Variants in KSR2 observed in about 807,000 individuals in gnomAD.
The protein encoded by KSR2 is kinase suppressor of ras 2.
A neutral mutation model predicts 107.8 loss-of-function variants in KSR2; 25 were observed. The observed-to-expected ratio is 0.23, with a 90% CI of 0.17 to 0.32. The LOEUF (loss-of-function observed/expected upper bound fraction) is 0.32, where lower values mean the gene tolerates loss of function less well. Among genes scored for constraint, KSR2 ranks in the 10% least tolerant of loss-of-function variants. KSR2 has a pLI of 1.00. For missense variants in KSR2, 887 were observed against 1,268.9 expected, an observed-to-expected ratio of 0.70 and a Z score of 4.57; for synonymous variants, 480 against 507.0, an observed-to-expected ratio of 0.95 and a Z score of 0.71.
At position 117,955,414 on chromosome 12, in the gene KSR2, C is replaced by T. The variant is rs565334131; in HGVS notation, c.180+12662G>A. ...GTGCTGGGATTACAGGTGTGAGCCA[C>T]AATCCTGATTTTATAAACAAGGAAA... On this transcript the variant is annotated intron_variant, in intron 1 of 19. Coordinates refer to ENST00000339824, the MANE Select transcript of KSR2 (RefSeq NM_173598.6). 2.0e-5 allele frequency among the ~76,000 whole-genome samples: 3 copies of T among 152,266 alleles called. No individual in the cohort carries two copies. In the South Asian group the frequency reaches 6.2e-4, roughly 32 times the overall value.
At chr12:117,557,683 T>C (rs1234317975) in intron 8 of KSR2, among the ~76,000 whole-genome samples, 2 of 152,208 alleles carry the variant, frequency 1.3e-5, no homozygotes, top group African/African-American at 4.8e-5. Context: ...ATTAAATTTG[T>C]GTTTTTATTT....
intron 1 of KSR2, among the ~76,000 whole-genome samples, chr12:117,914,513 ATACTC>A (rs1172991304): frequency 1.3e-5 from 2 of 152,134 alleles, no homozygotes; most frequent in Non-Finnish European, 2.9e-5. Flanking sequence ...TGTTTGGAAA[ATACTC>A]CACTGGTTTT....
At chr12:117,896,695 G>A (rs963890251) in intron 1 of KSR2, among the ~76,000 whole-genome samples, 12 of 152,060 alleles carry the variant, frequency 7.9e-5, no homozygotes, top group Non-Finnish European at 2.9e-5. Flanking sequence ...CCTGACCTCA[G>A]GTGATCCCTC....
chr12:117,615,999 C>A (rs1259765827), intron 5 of KSR2, among the ~76,000 whole-genome samples: 1 of 151,852 alleles, frequency 6.6e-6, no homozygotes. Flanking sequence ...CAAAAAAACA[C>A]AAAACTTAGC....
chr12:117,685,454 A>G (rs192920171), intron 4 of KSR2, among the ~76,000 whole-genome samples: 28 of 152,238 alleles, frequency 1.8e-4, no homozygotes, highest in Admixed American at 1.6e-3. Context: ...AGAAAAGACA[A>G]TTTCCAAGAT....
intron 14 of KSR2, among the ~76,000 whole-genome samples, chr12:117,490,175 C>A (rs1457610647): frequency 6.6e-6 from 1 of 152,182 alleles, no homozygotes; most frequent in Non-Finnish European, 1.5e-5. Flanking sequence ...ATCTTCTCCT[C>A]CACTGTGTGG....
At chr12:117,902,975 T>G (rs1305860104) in intron 1 of KSR2, among the ~76,000 whole-genome samples, 1 of 152,184 alleles carries the variant, frequency 6.6e-6, no homozygotes, top group African/African-American at 2.4e-5. Flanking sequence ...AGAGGATAAC[T>G]GTTGTCTTTA....
chr12:117,687,218 C>T (rs1419196127), intron 4 of KSR2, among the ~76,000 whole-genome samples: 1 of 152,136 alleles, frequency 6.6e-6, no homozygotes, highest in African/African-American at 2.4e-5. Context: ...CTTTGTCTGC[C>T]CCTTGCTTCT....
chr12:117,720,310 C>T (rs535799659), intron 4 of KSR2, among the ~76,000 whole-genome samples: 1 of 152,204 alleles, frequency 6.6e-6, no homozygotes, highest in African/African-American at 2.4e-5. Context: ...GGTTTGCTAC[C>T]CTCTTTAAAA....
chr12:117,567,393 GA>G (rs1326864231), intron 7 of KSR2, among the ~76,000 whole-genome samples: 1 of 152,122 alleles, frequency 6.6e-6, no homozygotes, highest in East Asian at 1.9e-4. Flanking sequence ...TGGGCATGAA[GA>G]GGGGAGAGAT....
chr12:117,968,674 A>G lies in KSR2; in HGVS notation c.-419T>C. 5.4e-6 allele frequency: 1 copy of G among 185,446 alleles called. No individual in the cohort carries two copies. The allele number at this position is 185,446 out of a possible 1,614,324, so 11.5% of individuals were successfully genotyped here. A position where few individuals can be genotyped will look rare whatever the true frequency, so the allele number is the denominator to read the frequency against. On this transcript the variant is annotated 5_prime_UTR_variant, in exon 1 of 20. Transcript: ENST00000339824. ...AGAGGAGGAGGAGGAGAAGGAAAAT[A>G]GCGCTCACTCTTTACACACCGGCTC...
At chr12:117,619,383 C>T (rs1882051579) in intron 5 of KSR2, among the ~76,000 whole-genome samples, 1 of 151,838 alleles carries the variant, frequency 6.6e-6, no homozygotes, top group Non-Finnish European at 1.5e-5. Context: ...CACAACAGGC[C>T]CCAGTGTGTG....
Position 117,926,970 on chromosome 12 carries a change from C to G in KSR2, c.180+41106G>C. On this transcript the variant is annotated intron_variant, in intron 1 of 19. Transcript: ENST00000339824. ...TCCCAGGACTGTGGTAGGTATGAAA[C>G]TATATATGGAAAGTGCTTAGCTCAG... Among the ~76,000 whole-genome samples, 2 of 152,144 alleles carry G rather than the reference C, an allele frequency of 1.3e-5. 1 individual carries two copies. The highest frequency in any genetic ancestry group is 2.9e-5 in the Non-Finnish European group (2 of 68,034).
At chr12:117,735,757 T>A (rs1887913998) in intron 4 of KSR2, among the ~76,000 whole-genome samples, 1 of 152,146 alleles carries the variant, frequency 6.6e-6, no homozygotes. Context: ...GGGTGCCCTA[T>A]AATAGTAGTT....
At position 117,549,774 on chromosome 12, in the gene KSR2, A is replaced by G. The variant is rs114346242; in HGVS notation, c.1518+5395T>C. Among the ~76,000 whole-genome samples the G allele has an allele frequency of 3.6e-3, 545 of 152,336 alleles. 2 individuals are homozygous for G. Among genetic ancestry groups the G allele is most frequent in the African/African-American group, 0.013 (523 of 41,580 alleles). ...CAAAAACATAGGAGGTAACTAATCA[A>G]TGTTATATGAATGAATGAATGAACT... On this transcript the variant is annotated intron_variant, in intron 9 of 19. Coordinates refer to ENST00000339824, the MANE Select transcript of KSR2 (RefSeq NM_173598.6).
intron 3 of KSR2, among the ~76,000 whole-genome samples, chr12:117,837,330 G>A (rs1209114271): frequency 6.6e-6 from 1 of 152,184 alleles, no homozygotes; most frequent in Non-Finnish European, 1.5e-5. Flanking sequence ...CGAGGTTCCT[G>A]CCAGTTTCTA....
chr12:117,703,342 C>T (rs1177306238), intron 4 of KSR2, among the ~76,000 whole-genome samples: 1 of 152,084 alleles, frequency 6.6e-6, no homozygotes, highest in African/African-American at 2.4e-5. Context: ...CATGAGGTGC[C>T]TAGGATACTA....
chr12:117,918,184 G>A (rs1217508426), intron 1 of KSR2, among the ~76,000 whole-genome samples: 2 of 152,198 alleles, frequency 1.3e-5, no homozygotes, highest in Non-Finnish European at 1.5e-5. Flanking sequence ...GTTTATTTGA[G>A]GGGACACAGC....
chr12:117,473,956 A>G (rs1380249073), intron 17 of KSR2, among the ~76,000 whole-genome samples: 1 of 152,176 alleles, frequency 6.6e-6, no homozygotes, highest in East Asian at 1.9e-4. Flanking sequence ...ATTGTGAGAC[A>G]ATGCACATAA....
Sources: gnomAD v4.1 joint callset for allele counts (sites outside exome capture counted in the v4.1 genomes callset) on GRCh38, gnomAD v4.1.1 for gene constraint, MANE v1.5 for transcripts, NCBI Gene and HGNC (gene_info 2026-07-23, HGNC 2026-07-21) for gene names.